Variants in NCKAP1 observed in about 807,000 individuals in gnomAD.
NCKAP1 encodes the protein NCK associated protein 1.
A neutral mutation model predicts 151.2 loss-of-function variants in NCKAP1; 21 were observed. The ratio of observed to expected loss-of-function variants is 0.14; its 90% CI spans 0.10 to 0.20. The LOEUF is 0.20. NCKAP1 is among the 10% of genes least tolerant of loss of function. NCKAP1 has a pLI of 1.00. For missense variants in NCKAP1, 933 were observed against 1,352.1 expected, an observed-to-expected ratio of 0.69 and a Z score of 4.86; for synonymous variants, 484 against 451.8, an observed-to-expected ratio of 1.07 and a Z score of -0.90.
intron 1 of NCKAP1, among the ~76,000 whole-genome samples, chr2:183,036,375 CT>C (rs1699103099): frequency 4.6e-5 from 7 of 152,108 alleles, no homozygotes; most frequent in African/African-American, 1.7e-4. Flanking sequence ...TACCACAGGT[CT>C]AGTAACTTTT....
rs1007705222 is a variant in NCKAP1, at chr2:182,909,670, T to C, written c.*16032A>G. On this transcript the variant is annotated 3_prime_UTR_variant, in exon 31 of 31. Coordinates refer to ENST00000361354, the MANE Select transcript of NCKAP1 (RefSeq NM_013436.5). ...TTTATTTGTTTAAGTAAACAATCAC[T>C]TTTAAAGCCAAGGTTTCCTTGAGAA... The C allele has an allele frequency of 1.3e-5, 2 of 152,238 alleles. No individual in the cohort carries two copies. The highest frequency in any genetic ancestry group is 4.8e-5 in the African/African-American group (2 of 41,470). The allele number at this position is 152,238 out of a possible 1,614,324, so 9.4% of individuals were successfully genotyped here. A position where few individuals can be genotyped will look rare whatever the true frequency, so the allele number is the denominator to read the frequency against.
chr2:182,957,774 T>C (rs548489874), intron 18 of NCKAP1, among the ~76,000 whole-genome samples, 178 bp from the exon 19 acceptor site: 1 of 152,302 alleles, frequency 6.6e-6, no homozygotes, highest in Admixed American at 6.5e-5. Flanking sequence ...TGCACATAGC[T>C]TGGTGAAAAC....
chr2:182,962,119 C>T, intron 18 of NCKAP1, 40 bp downstream of exon 18: 1 of 1,538,834 alleles, frequency 6.5e-7, no homozygotes, highest in Non-Finnish European at 8.8e-7. Context: ...CTTGCCTTCA[C>T]ACAAAATTTC....
At chr2:182,925,925 T>A in intron 30 of NCKAP1, 107 bp from the exon 31 acceptor site, 2 of 535,502 alleles carry the variant, frequency 3.7e-6, no homozygotes, top group East Asian at 3.3e-5. Flanking sequence ...CAGTAAGGCA[T>A]AACTTCTATA....
At chr2:182,969,173 G>A (rs1353026537) in intron 15 of NCKAP1, among the ~76,000 whole-genome samples, 1 of 152,122 alleles carries the variant, frequency 6.6e-6, no homozygotes, top group Non-Finnish European at 1.5e-5. Context: ...ATCAGAACAT[G>A]GGATAGTCTC....
At chr2:182,998,782 A>G (rs1698321110) in intron 6 of NCKAP1, among the ~76,000 whole-genome samples, 1 of 145,896 alleles carries the variant, frequency 6.9e-6, no homozygotes, top group South Asian at 2.3e-4. Context: ...GTGAGCCAAG[A>G]GCCAAGATGG....
chr2:182,955,136 T>A (rs994153343), intron 20 of NCKAP1, among the ~76,000 whole-genome samples: 17 of 152,224 alleles, frequency 1.1e-4, no homozygotes, highest in African/African-American at 3.6e-4. Context: ...TCAAGTCAAC[T>A]GATAATTTAA....
At chr2:183,026,575 G>A (rs1698901860) in intron 1 of NCKAP1, among the ~76,000 whole-genome samples, 1 of 151,938 alleles carries the variant, frequency 6.6e-6, no homozygotes, top group Non-Finnish European at 1.5e-5. Flanking sequence ...ACACTGCTCA[G>A]TGGACCTTAT....
At chr2:182,951,464 T>A (rs1322990834) in intron 23 of NCKAP1, among the ~76,000 whole-genome samples, 4 of 150,710 alleles carry the variant, frequency 2.7e-5, no homozygotes, top group Non-Finnish European at 5.9e-5. Flanking sequence ...AGGTCAGGAG[T>A]TCGAGACCAG....
At chr2:183,022,049 A>G (rs566895885) in intron 2 of NCKAP1, among the ~76,000 whole-genome samples, 1 of 152,336 alleles carries the variant, frequency 6.6e-6, no homozygotes, top group East Asian at 1.9e-4. Flanking sequence ...ACAGGATGAT[A>G]ATAAACAGTT....
At position 182,917,194 on chromosome 2, in the gene NCKAP1, T is replaced by C. The variant is rs1696481011; in HGVS notation, c.*8508A>G. The C allele has an allele frequency of 6.6e-6, 1 of 152,130 alleles. No homozygotes were observed. Among genetic ancestry groups the C allele is most frequent in the Admixed American group, 6.6e-5 (1 of 15,254 alleles). 9.4% of individuals were successfully genotyped at this position (152,130 alleles called of 1,614,324 possible). A position where few individuals can be genotyped will look rare whatever the true frequency, so the allele number is the denominator to read the frequency against. ...CATTCTACACTTAGGGAAACAAACT[T>C]GGAGAAGTTAAGTAATTTGTCCATA... On this transcript the variant is annotated 3_prime_UTR_variant, in exon 31 of 31. Coordinates refer to ENST00000361354, the MANE Select transcript of NCKAP1 (RefSeq NM_013436.5).
intron 6 of NCKAP1, among the ~76,000 whole-genome samples, chr2:182,999,701 C>T (rs1698341803): frequency 6.6e-6 from 1 of 152,148 alleles, no homozygotes; most frequent in Admixed American, 6.5e-5. Flanking sequence ...CACTTGCACT[C>T]GTATGTTCAC....
chr2:182,952,980 TGATATA>T, intron 21 of NCKAP1, 57 bp from the exon 22 acceptor site: 2 of 1,532,720 alleles, frequency 1.3e-6, no homozygotes, highest in Non-Finnish European at 1.8e-6. Context: ...GAATGTATCA[TGATATA>T]CATTCCTGCA....
chr2:183,021,819 C>T (rs903940075), intron 2 of NCKAP1, among the ~76,000 whole-genome samples: 9 of 152,016 alleles, frequency 5.9e-5, no homozygotes, highest in African/African-American at 1.7e-4. Context: ...TGCTAATGGG[C>T]ACAAAGTTTC....
Position 182,912,454 on chromosome 2 carries a change from T to C in NCKAP1, c.*13248A>G, listed in dbSNP as rs1458011898. The stretch of plus-strand genomic sequence containing the variant: ...ATACAAGTGCCATCTTTTAGCACAT[T>C]ATAATAATCCTGTTGTGCAGTACTC... On this transcript the variant is annotated 3_prime_UTR_variant, in exon 31 of 31. Coordinates refer to ENST00000361354, the MANE Select transcript of NCKAP1 (RefSeq NM_013436.5). 1.3e-5 allele frequency: 2 copies of C among 152,322 alleles called. No homozygotes were observed. The highest frequency in any genetic ancestry group is 3.4e-3 in the Middle Eastern group (1 of 294). 9.4% of individuals were successfully genotyped at this position (152,322 alleles called of 1,614,324 possible).
chr2:183,032,760 A>G (rs1405520423), intron 1 of NCKAP1, among the ~76,000 whole-genome samples: 2 of 152,208 alleles, frequency 1.3e-5, no homozygotes, highest in Admixed American at 1.3e-4. Flanking sequence ...AAAATATCAT[A>G]AATCAGCCAG....
At chr2:182,940,254 A>C (rs2105809729) in intron 24 of NCKAP1, among the ~76,000 whole-genome samples, 1 of 152,314 alleles carries the variant, frequency 6.6e-6, no homozygotes, top group Non-Finnish European at 1.5e-5. Flanking sequence ...AATAAGAATA[A>C]AGGAGTAGAA....
At chr2:183,011,402 T>G (rs961042715) in intron 2 of NCKAP1, among the ~76,000 whole-genome samples, 6 of 152,194 alleles carry the variant, frequency 3.9e-5, no homozygotes, top group Non-Finnish European at 8.8e-5. Flanking sequence ...TTTAGAACAT[T>G]TCCATCACCC....
chr2:183,008,710 C>CAT (rs1256061712), intron 2 of NCKAP1, among the ~76,000 whole-genome samples: 1 of 152,064 alleles, frequency 6.6e-6, no homozygotes, highest in Non-Finnish European at 1.5e-5. Context: ...CATTGCTAGC[C>CAT]ATAAATGAAT....
Sources: allele counts gnomAD v4.1 joint callset (sites outside exome capture counted in the v4.1 genomes callset), GRCh38; gene constraint gnomAD v4.1.1; transcripts MANE v1.5; gene names NCBI Gene and HGNC (gene_info 2026-07-23, HGNC 2026-07-21).